Variants in BMP8A observed in about 807,000 individuals in gnomAD.
BMP8A encodes bone morphogenetic protein 8a, also known as BMP-8A.
Under a neutral mutation model 36.8 loss-of-function variants are expected in BMP8A, and 14 were observed. That is an observed-to-expected ratio of 0.38 (90% confidence interval 0.25 to 0.60). The LOEUF is 0.60. BMP8A is among the 20% of genes least tolerant of loss of function. The pLI is 0.63. For synonymous variants in BMP8A, 120 were observed against 237.7 expected (o/e 0.50, Z 4.55); for missense variants, 267 against 551.1 (o/e 0.48, Z 5.16).
chr1:39,514,911 C>T (rs998920280), intron 3 of BMP8A: 15 of 1,437,854 alleles, frequency 1.0e-5, no homozygotes, highest in Non-Finnish European at 1.8e-6. Flanking sequence ...CCGAGGCGCA[C>T]GCAGGGCTCA....
intron 1 of BMP8A, among the ~76,000 whole-genome samples, chr1:39,499,029 A>G (rs1247351755): frequency 5.9e-5 from 9 of 151,964 alleles, no homozygotes; most frequent in Non-Finnish European, 1.3e-4. Flanking sequence ...GGGCCCCGGA[A>G]CACAGCGGCC....
At chr1:39,498,337 G>A (rs1186089437) in intron 1 of BMP8A, among the ~76,000 whole-genome samples, 1 of 152,196 alleles carries the variant, frequency 6.6e-6, no homozygotes, top group Non-Finnish European at 1.5e-5. Flanking sequence ...CTTCTTTCTG[G>A]AAAATTCCCA....
rs1416424033 is a variant in BMP8A at position 39,527,988 on chromosome 1, C to A, written c.*2190C>A. Among the ~76,000 whole-genome samples the A allele has an allele frequency of 6.6e-6, 1 of 152,240 alleles. No individual in the cohort carries two copies. The highest frequency in any genetic ancestry group is 2.4e-5 in the African/African-American group (1 of 41,458). On this transcript the variant is annotated 3_prime_UTR_variant, in exon 7 of 7. Transcript: ENST00000331593. ...TCTGCCATTGCAGGACCTGATTTAACAGCTCTCTTCTTCCAATACTGGGCA... is the reference window on the plus strand; with the variant it reads ...TCTGCCATTGCAGGACCTGATTTAAAAGCTCTCTTCTTCCAATACTGGGCA...
intron 1 of BMP8A, among the ~76,000 whole-genome samples, chr1:39,499,755 C>A (rs1279175004): frequency 2.0e-5 from 3 of 152,150 alleles, no homozygotes; most frequent in Non-Finnish European, 4.4e-5. Flanking sequence ...AGAAAGTAAC[C>A]TTTTCTGCCT....
At chr1:39,503,508 CTTTTTTTTT>C (rs35892449) in intron 1 of BMP8A, among the ~76,000 whole-genome samples, 3 of 69,960 alleles carry the variant, frequency 4.3e-5, no homozygotes, top group African/African-American at 5.6e-5. Flanking sequence ...TACAGTCTTT[CTTTTTTTTT>C]TTTTTTTTTT....
At chr1:39,514,994 C>T (rs1383955432) in intron 3 of BMP8A, 13 of 1,530,256 alleles carry the variant, frequency 8.5e-6, no homozygotes, top group African/African-American at 2.8e-5. Context: ...TGCTCGGGCG[C>T]GGGGTCCCCG....
intron 1 of BMP8A, among the ~76,000 whole-genome samples, chr1:39,504,371 G>T (rs1274550004): frequency 6.6e-6 from 1 of 152,238 alleles, no homozygotes. Context: ...ATAGGGTAAT[G>T]GTGGGGAGAG....
In BMP8A at chr1:39,494,363, T is replaced by C. The variant is rs909699084; in HGVS notation, c.334+2038T>C. Among the ~76,000 whole-genome samples, 3 of 150,874 alleles carry C rather than the reference T, an allele frequency of 2.0e-5. No individual in the cohort carries two copies. In the Middle Eastern group the frequency reaches 9.7e-3, roughly 487 times the overall value. On this transcript the variant is annotated intron_variant, in intron 1 of 6. Transcript: ENST00000331593. The stretch of plus-strand genomic sequence containing the variant: ...CTTTTTTCTTTTTTCTTTTTTTTTT[T>C]TTTAAGAGGCAGGGTTTCACTGCAT...
At chr1:39,506,505 C>G (rs537595912) in intron 1 of BMP8A, among the ~76,000 whole-genome samples, 22 of 152,094 alleles carry the variant, frequency 1.4e-4, no homozygotes, top group African/African-American at 5.1e-4. Flanking sequence ...CCGCGCCCCC[C>G]CCAATTTCCT....
chr1:39,501,758 C>T (rs1645255573), intron 1 of BMP8A, among the ~76,000 whole-genome samples: 1 of 152,178 alleles, frequency 6.6e-6, no homozygotes, highest in Non-Finnish European at 1.5e-5. Flanking sequence ...CCATCACAGC[C>T]AGCTGGGACA....
At position 39,515,392 on chromosome 1, in the gene BMP8A, G is replaced by A; in HGVS notation, c.673+3488G>A. 4 of 810,378 alleles carry A rather than the reference G, an allele frequency of 4.9e-6. No homozygotes were observed. In the East Asian group the frequency reaches 1.1e-4, roughly 22 times the overall value. The allele number at this position is 810,378 out of a possible 1,614,324, so 50.2% of individuals were successfully genotyped here. A position where few individuals can be genotyped will look rare whatever the true frequency, so the allele number is the denominator to read the frequency against. On this transcript the variant is annotated intron_variant, in intron 3 of 6. Coordinates refer to ENST00000331593, the MANE Select transcript of BMP8A (RefSeq NM_181809.4). ...CAGGGCACCCTGGCCGAGCGCATCC[G>A]CGCGGGGGGCGCCGGGGTGCCCGCC...
rs2124374391 is a variant in BMP8A, at chr1:39,519,388, T to C, written c.674-1988T>C. ...TGTCTTTTCCTCTGTGCCCCAGCTC[T>C]GTTCCTTGTATTTCTGCTGCTTCCC... On this transcript the variant is annotated intron_variant, in intron 3 of 6. Transcript: ENST00000331593. 1.4e-5 allele frequency among the ~76,000 whole-genome samples: 2 copies of C among 139,430 alleles called. 1 individual carries two copies. The highest frequency in any genetic ancestry group is 5.0e-4 in the East Asian group (2 of 4,000). The allele number at this position is 139,430 out of a possible 152,430, so 91.5% of individuals were successfully genotyped here. A position where few individuals can be genotyped will look rare whatever the true frequency, so the allele number is the denominator to read the frequency against.
chr1:39,509,064 C>G (rs1645327918), intron 1 of BMP8A, among the ~76,000 whole-genome samples: 1 of 152,178 alleles, frequency 6.6e-6, no homozygotes, highest in African/African-American at 2.4e-5. Flanking sequence ...TGGGCTGTTC[C>G]CTCAGTCCTC....
Position 39,507,530 on chromosome 1 carries a change from C to T in BMP8A, c.335-3644C>T, listed in dbSNP as rs1243966359. On this transcript the variant is annotated intron_variant, in intron 1 of 6. Coordinates refer to ENST00000331593, the MANE Select transcript of BMP8A (RefSeq NM_181809.4). ...GTCCACGGTAGCAGAAGGAGCCCAG[C>T]GAGGAGTCAGGGTTCCGTTTCCACG... Among the ~76,000 whole-genome samples the T allele has an allele frequency of 3.9e-5, 6 of 152,114 alleles. No individual in the cohort carries two copies. In the South Asian group the frequency reaches 6.2e-4, roughly 16 times the overall value.
rs921998405 is a variant in BMP8A at position 39,515,714 on chromosome 1, C to T, written c.673+3810C>T. 6 of 1,576,272 alleles carry T rather than the reference C, an allele frequency of 3.8e-6. No homozygotes were observed. The African/African-American group carries it at 6.7e-5, about 18-fold the overall frequency. On this transcript the variant is annotated intron_variant, in intron 3 of 6. Transcript: ENST00000331593. ...TGGGGGCTTCCCCCCAGAAGACATC[C>T]ACGTTCCTAACATTTATGTAGGTCG...
intron 1 of BMP8A, among the ~76,000 whole-genome samples, chr1:39,494,250 T>C (rs1017956302): frequency 6.6e-6 from 1 of 152,256 alleles, no homozygotes; most frequent in Non-Finnish European, 1.5e-5. Flanking sequence ...TAAAAGCCAA[T>C]CAAAGGTGTT....
At chr1:39,506,174 G>A (rs1045105484) in intron 1 of BMP8A, among the ~76,000 whole-genome samples, 2 of 151,970 alleles carry the variant, frequency 1.3e-5, no homozygotes, top group African/African-American at 4.8e-5. Flanking sequence ...GAAAAGTCTG[G>A]ATTTAGTTAA....
At chr1:39,505,465 A>G (rs953143248) in intron 1 of BMP8A, among the ~76,000 whole-genome samples, 8 of 152,234 alleles carry the variant, frequency 5.3e-5, no homozygotes, top group Non-Finnish European at 8.8e-5. Flanking sequence ...CTAGGGTTAC[A>G]GATTAACAGC....
intron 1 of BMP8A, among the ~76,000 whole-genome samples, chr1:39,494,641 C>T (rs984411615): frequency 2.0e-5 from 3 of 152,196 alleles, no homozygotes; most frequent in Non-Finnish European, 2.9e-5. Flanking sequence ...AGGCGTGAAC[C>T]ACCATGCCTG....
Sources: gnomAD v4.1 joint callset for allele counts (sites outside exome capture counted in the v4.1 genomes callset) on GRCh38, gnomAD v4.1.1 for gene constraint, MANE v1.5 for transcripts, NCBI Gene and HGNC (gene_info 2026-07-23, HGNC 2026-07-21) for gene names.